Variants in TENM3 observed in about 807,000 individuals in gnomAD.
The protein encoded by TENM3 is teneurin-3.
A neutral mutation model predicts 255.1 loss-of-function variants in TENM3; 63 were observed. The observed-to-expected ratio is 0.25, with a 90% confidence interval of 0.20 to 0.30. The LOEUF (loss-of-function observed/expected upper bound fraction) is 0.30. Ranked by LOEUF, TENM3 falls within the 10% of genes least tolerant of loss-of-function variation. TENM3 has a pLI of 1.00. For missense variants in TENM3, 2,929 were observed against 3,461.1 expected (o/e 0.85, Z 3.86); for synonymous variants, 1,306 against 1,322.3 (o/e 0.99, Z 0.27).
chr4:182,596,229 A>G (rs1253990779), intron 3 of TENM3, among the ~76,000 whole-genome samples: 2 of 152,218 alleles, frequency 1.3e-5, no homozygotes. Context: ...TAAAGGCAGT[A>G]TGGACAAGCT....
the TENM3 span, among the ~76,000 whole-genome samples, chr4:181,528,407 T>G: frequency 1.3e-5 from 2 of 152,164 alleles, no homozygotes; most frequent in Non-Finnish European, 2.9e-5. Context: ...ACTATAGTCT[T>G]CGAGTGAACA....
intron 1 of TENM3, among the ~76,000 whole-genome samples, chr4:182,219,687 GGAAAA>G (rs887564935): frequency 6.6e-6 from 1 of 151,884 alleles, no homozygotes; most frequent in Non-Finnish European, 1.5e-5. Context: ...AGAAAAGAAA[GGAAAA>G]GAAAACACAT....
chr4:182,318,016 C>T (rs1314987664), intron 1 of TENM3, among the ~76,000 whole-genome samples: 1 of 152,056 alleles, frequency 6.6e-6, no homozygotes, highest in Non-Finnish European at 1.5e-5. Context: ...TAATTTAGAC[C>T]TTTAATCTAA....
At chr4:181,729,403 T>C in the TENM3 span, among the ~76,000 whole-genome samples, 1 of 152,122 alleles carries the variant, frequency 6.6e-6, no homozygotes, top group Non-Finnish European at 1.5e-5. Context: ...CAAGCCTTCC[T>C]GTGAGGAGCA....
the TENM3 span, among the ~76,000 whole-genome samples, chr4:181,880,424 A>G: frequency 6.6e-6 from 1 of 152,226 alleles, no homozygotes; most frequent in East Asian, 1.9e-4. Context: ...ATGAATGTTA[A>G]CCATTAAAAA....
In TENM3 at chr4:182,789,905, T is replaced by C. The variant is rs762654784; in HGVS notation, c.5601+516T>C. ...ACTTTCGGGTACTCTGTGGCATCTT[T>C]CCTTTCTTCTACATATAAAAGGTAA... On this transcript the variant is annotated intron_variant, in intron 25 of 27. Coordinates refer to ENST00000511685, the MANE Select transcript of TENM3 (RefSeq NM_001080477.4). The surrounding 1 kb of genome is among the most constrained non-coding windows in gnomAD (Gnocchi z 4.4). 1.3e-5 allele frequency among the ~76,000 whole-genome samples: 2 copies of C among 152,198 alleles called. No homozygotes were observed. The highest frequency in any genetic ancestry group is 2.9e-5 in the Non-Finnish European group (2 of 68,034).
chr4:182,165,836 C>T (rs575209211), intron 1 of TENM3, among the ~76,000 whole-genome samples: 47 of 152,176 alleles, frequency 3.1e-4, no homozygotes, highest in African/African-American at 1.1e-3. Flanking sequence ...AGTGCAGTGG[C>T]GTGCTCTCGG....
the TENM3 span, among the ~76,000 whole-genome samples, chr4:182,092,872 A>G: frequency 6.6e-6 from 1 of 152,274 alleles, no homozygotes; most frequent in East Asian, 1.9e-4. Flanking sequence ...AGTACATAGG[A>G]CACTGTGAGG....
chr4:181,987,822 C>T, the TENM3 span, among the ~76,000 whole-genome samples: 1 of 151,780 alleles, frequency 6.6e-6, no homozygotes, highest in African/African-American at 2.4e-5. Context: ...TGACAATATT[C>T]GAGCAAATGT....
In TENM3 at chr4:182,535,358, T is replaced by C. The variant is rs562957143; in HGVS notation, c.512-65566T>C. ...AAAAAATGAACTATTGTGATTATTG[T>C]ATTCTTCTCATAGACTCTGAGGCAA... On this transcript the variant is annotated intron_variant, in intron 3 of 27. Coordinates refer to ENST00000511685, the MANE Select transcript of TENM3 (RefSeq NM_001080477.4). Among the ~76,000 whole-genome samples the C allele has an allele frequency of 2.6e-4, 40 of 152,352 alleles. 1 individual carries two copies. Among genetic ancestry groups the C allele is most frequent in the African/African-American group, 9.4e-4 (39 of 41,590 alleles).
the TENM3 span, among the ~76,000 whole-genome samples, chr4:181,472,483 A>C: frequency 6.9e-6 from 1 of 144,662 alleles, no homozygotes; most frequent in Non-Finnish European, 1.6e-5. Context: ...CCCCTGCCAT[A>C]ATGCCTGCAG....
At chr4:182,582,837 A>C (rs368047598) in intron 3 of TENM3, among the ~76,000 whole-genome samples, 1 of 152,332 alleles carries the variant, frequency 6.6e-6, no homozygotes, top group African/African-American at 2.4e-5. Context: ...TCACATAAAC[A>C]TTGAAGGAAA....
intron 3 of TENM3, among the ~76,000 whole-genome samples, chr4:182,359,019 A>G (rs923916592): frequency 1.3e-5 from 2 of 151,488 alleles, no homozygotes; most frequent in African/African-American, 4.9e-5. Flanking sequence ...GCTGGATTAC[A>G]TTTATTGATT....
intron 24 of TENM3, among the ~76,000 whole-genome samples, chr4:182,776,538 AGAGG>A (rs1764704170): frequency 6.6e-6 from 1 of 152,230 alleles, no homozygotes; most frequent in African/African-American, 2.4e-5. Context: ...TTCACTGGAA[AGAGG>A]GAGGAGGGGG....
chr4:182,446,084 G>A (rs758917371), intron 3 of TENM3, among the ~76,000 whole-genome samples: 1 of 152,168 alleles, frequency 6.6e-6, no homozygotes, highest in Non-Finnish European at 1.5e-5. Flanking sequence ...GATATATGTG[G>A]AAACCATCCT....
chr4:181,707,646 G>A, the TENM3 span, among the ~76,000 whole-genome samples: 1 of 152,126 alleles, frequency 6.6e-6, no homozygotes, highest in Non-Finnish European at 1.5e-5. Context: ...AAAGGCATCA[G>A]TGACTAAAAA....
At chr4:182,783,900 G>T (rs1347775050) in intron 24 of TENM3, among the ~76,000 whole-genome samples, 1 of 151,972 alleles carries the variant, frequency 6.6e-6, no homozygotes, top group East Asian at 1.9e-4. Flanking sequence ...TTGGTTTTCA[G>T]CTCCATCAGC....
the TENM3 span, among the ~76,000 whole-genome samples, chr4:181,747,654 C>T: frequency 6.6e-6 from 1 of 151,696 alleles, no homozygotes; most frequent in African/African-American, 2.4e-5. Context: ...TCCATTTGCC[C>T]TTTGCTTTTA....
intron 3 of TENM3, among the ~76,000 whole-genome samples, chr4:182,467,449 C>T (rs12642769): frequency 0.16 from 23,582 of 152,068 alleles, 2,055 homozygotes; most frequent in Middle Eastern, 0.25. Context: ...TTTTGATAAA[C>T]ACATGACGTA....
Sources: gnomAD v4.1 joint callset for allele counts (sites outside exome capture counted in the v4.1 genomes callset) on GRCh38, gnomAD v4.1.1 for gene constraint, Gnocchi (gnomAD v3.1) non-coding constraint, MANE v1.5 for transcripts, NCBI Gene and HGNC (gene_info 2026-07-23, HGNC 2026-07-21) for gene names.